Variants in KLHL36 observed in about 807,000 individuals in gnomAD.
KLHL36 encodes the protein kelch like family member 36.
Under a neutral mutation model 53.3 loss-of-function variants are expected in KLHL36, and 35 were observed. That is an observed-to-expected ratio of 0.66 (90% CI 0.50 to 0.87). The LOEUF is 0.87. Among genes scored for constraint, KLHL36 ranks in the 40% least tolerant of loss-of-function variants. The pLI, the probability that KLHL36 is intolerant of heterozygous loss-of-function variation, is 0.00. For missense variants in KLHL36, 864 were observed against 897.6 expected (o/e 0.96, Z 0.48); for synonymous variants, 472 against 398.9 (o/e 1.18, Z -2.18).
rs1334971397 is a variant in KLHL36, at chr16:84,664,350, T to C, written c.*2217T>C. 1.3e-5 allele frequency: 2 copies of C among 152,058 alleles called. No individual in the cohort carries two copies. The highest frequency in any genetic ancestry group is 2.9e-5 in the Non-Finnish European group (2 of 68,008). The allele number at this position is 152,058 out of a possible 1,614,324, so 9.4% of individuals were successfully genotyped here. ...CACATAGAAAGACTCTGTGAGTGAT[T>C]TGGGGAGTGGGATAGCTTTGACCTT... is the stretch of plus-strand genomic sequence containing the variant. On this transcript the variant is annotated 3_prime_UTR_variant, in exon 5 of 5. Coordinates refer to ENST00000564996, the MANE Select transcript of KLHL36 (RefSeq NM_024731.4).
At chr16:84,652,250 T>G (rs1173904279) in intron 2 of KLHL36, among the ~76,000 whole-genome samples, 1 of 152,176 alleles carries the variant, frequency 6.6e-6, no homozygotes. Context: ...ACTAGGCTTC[T>G]GTATCACTGG....
Position 84,657,711 on chromosome 16 carries a change from G to A in KLHL36, c.904G>A (p.Gly302Ser), listed in dbSNP as rs754355594. The change falls in exon 3 of 5, where the codon GGC becomes AGC. Residue 302 changes from glycine (G) to serine (S), a missense_variant. By Grantham distance (56) the Gly-to-Ser change is moderately conservative (BLOSUM62 0). Transcript: ENST00000564996. ...TNQERLLFVG[G>S]EVSERCLELS... ...CCAGGAGCGCCTGCTGTTTGTGGGC[G>A]GCGAGGTCTCCGAGCGGTGTCTGGA... 3 of 1,612,514 alleles carry A rather than the reference G, an allele frequency of 1.9e-6. No homozygotes were observed. The highest frequency in any genetic ancestry group is 2.2e-5 in the East Asian group (1 of 44,876).
At position 84,662,030 on chromosome 16, in the gene KLHL36, A is replaced by G. The variant is rs139770361; in HGVS notation, c.1748A>G (p.Lys583Arg). The G allele has an allele frequency of 1.9e-6, 3 of 1,587,714 alleles. No individual in the cohort carries two copies. The highest frequency in any genetic ancestry group is 2.6e-6 in the Non-Finnish European group (3 of 1,168,562). Reference protein sequence around the residue: ...DKWSRGVDLPKAIAGGSACVC... With the variant: ...DKWSRGVDLPRAIAGGSACVC... ...TGGAGCAGGGGCGTCGACCTGCCCA[A>G]GGCCATCGCTGGCGGGTCCGCCTGT... The change falls in exon 5 of 5, where the codon AAG becomes AGG. Residue 583 changes from lysine (K) to arginine (R), a missense_variant. Lys to Arg is a conservative substitution (Grantham distance 26, BLOSUM62 2). Coordinates refer to ENST00000564996, the MANE Select transcript of KLHL36 (RefSeq NM_024731.4).
intron 2 of KLHL36, among the ~76,000 whole-genome samples, chr16:84,652,046 C>G (rs1406408290): frequency 6.6e-6 from 1 of 152,148 alleles, no homozygotes; most frequent in Non-Finnish European, 1.5e-5. Flanking sequence ...GTGAGTTCCC[C>G]AAGAAGGTTC....
intron 2 of KLHL36, among the ~76,000 whole-genome samples, chr16:84,654,881 AT>A (rs1334639188): frequency 6.6e-6 from 1 of 152,190 alleles, no homozygotes; most frequent in African/African-American, 2.4e-5. Flanking sequence ...AAGTACTGGG[AT>A]TCCAGGCATG....
chr16:84,655,645 A>G (rs1907156014), intron 2 of KLHL36, among the ~76,000 whole-genome samples: 2 of 150,032 alleles, frequency 1.3e-5, no homozygotes, highest in Non-Finnish European at 3.0e-5. Context: ...TCAAGGGTGC[A>G]GTGAGCCGAG....
Position 84,657,081 on chromosome 16 carries a change from G to C in KLHL36, c.274G>C (p.Ala92Pro). 1 of 1,614,154 alleles carries C rather than the reference G, an allele frequency of 6.2e-7. No individual in the cohort carries two copies. Among genetic ancestry groups the C allele is most frequent in the Non-Finnish European group, 8.5e-7 (1 of 1,180,020 alleles). Residue 92 changes from alanine (A) to proline (P), a missense_variant, in exon 3 of 5, where the codon GCC becomes CCC. Transcript: ENST00000564996. ...AFQKEVELIG[A>P]SYIGLKAVVD... is the part of the protein sequence containing the mutation. Reference sequence around the variant, plus strand: ...CCAGAAGGAGGTGGAGCTGATCGGCGCCTCCTACATTGGGCTCAAGGCCGT... The same window carrying C: ...CCAGAAGGAGGTGGAGCTGATCGGCCCCTCCTACATTGGGCTCAAGGCCGT...
intron 3 of KLHL36, chr16:84,658,988 A>T (rs545503579): frequency 2.0e-5 from 3 of 150,116 alleles, no homozygotes; most frequent in Admixed American, 6.7e-5. Context: ...GAAAAAAAAA[A>T]GTTGGCTCTT....
At position 84,661,833 on chromosome 16, in the gene KLHL36, G is replaced by A. The variant is rs538563101; in HGVS notation, c.1551G>A (p.Glu517=). 1.2e-6 allele frequency: 2 copies of A among 1,607,250 alleles called. No individual in the cohort carries two copies. Among genetic ancestry groups the A allele is most frequent in the African/African-American group, 2.7e-5 (2 of 74,918 alleles). ...AGCGCTTCGACGTGCTGGGCGTGGA[G>A]GCCTACAGCCCGCAGTGCAACCAGT... The part of the protein sequence containing the change: ...SMERFDVLGV[E]AYSPQCNQWT... Residue 517 remains glutamate, a synonymous_variant, in exon 5 of 5, where the codon GAG becomes GAA. Coordinates refer to ENST00000564996, the MANE Select transcript of KLHL36 (RefSeq NM_024731.4). This position sits in a 1 kb window ranked among gnomAD's most constrained non-coding sequence, Gnocchi z 7.9.
In KLHL36 at chr16:84,662,434, T is replaced by G; in HGVS notation, c.*301T>G. The stretch of plus-strand genomic sequence containing the variant: ...TGCTGACTGTCCCCCTGAGAGTAGC[T>G]GGCACGTGGGTAACACAGAAATTTC... On this transcript the variant is annotated 3_prime_UTR_variant, in exon 5 of 5. Transcript: ENST00000564996. 4.0e-6 allele frequency: 1 copy of G among 252,262 alleles called. No homozygotes were observed. The highest frequency in any genetic ancestry group is 7.6e-6 in the Non-Finnish European group (1 of 130,952). 15.6% of individuals were successfully genotyped at this position (252,262 alleles called of 1,614,324 possible). A position where few individuals can be genotyped will look rare whatever the true frequency, so the allele number is the denominator to read the frequency against.
Position 84,661,541 on chromosome 16 carries a change from T to C in KLHL36, c.1296-37T>C, listed in dbSNP as rs763212493. ...GGAGGGGGTAAGCCTGGCACAGCCC[T>C]GAGCTCTCCCTCTGTCTCTGCCCGT... is the stretch of plus-strand genomic sequence containing the variant. On this transcript the variant is annotated intron_variant, in intron 4 of 4. Coordinates refer to ENST00000564996, the MANE Select transcript of KLHL36 (RefSeq NM_024731.4). The surrounding 1 kb of genome is among the most constrained non-coding windows in gnomAD (Gnocchi z 7.9). 2.6e-6 allele frequency: 4 copies of C among 1,543,790 alleles called. No homozygotes were observed. The African/African-American group carries it at 4.1e-5, about 16-fold the overall frequency.
In KLHL36 at chr16:84,665,488, C is replaced by T. The variant is rs904026566; in HGVS notation, c.*3355C>T. On this transcript the variant is annotated 3_prime_UTR_variant, in exon 5 of 5. Transcript: ENST00000564996. ...AGCAAACTTCCTGCTGTTTTAAATG[C>T]ACAGAGATTATTTTATCAACTGTGG... 1.4e-4 allele frequency: 21 copies of T among 152,194 alleles called. No individual in the cohort carries two copies. Among genetic ancestry groups the T allele is most frequent in the African/African-American group, 5.1e-4 (21 of 41,446 alleles). 9.4% of individuals were successfully genotyped at this position (152,194 alleles called of 1,614,324 possible). A position where few individuals can be genotyped will look rare whatever the true frequency, so the allele number is the denominator to read the frequency against.
In KLHL36 at chr16:84,648,687, C is replaced by A. The variant is rs1181908255; in HGVS notation, c.-17+38C>A. 1.4e-5 allele frequency: 2 copies of A among 147,986 alleles called. No homozygotes were observed. The highest frequency in any genetic ancestry group is 3.0e-5 in the Non-Finnish European group (2 of 66,192). The allele number at this position is 147,986 out of a possible 1,614,324, so 9.2% of individuals were successfully genotyped here. ...GCGCGCCCACCCTCCAGCCCGGGAC[C>A]GCCAGGAAGCCGCGCCCGGCCGGGG... is the stretch of plus-strand genomic sequence containing the variant. On this transcript the variant is annotated intron_variant, in intron 1 of 4. Transcript: ENST00000564996. This position sits in a 1 kb window ranked among gnomAD's most constrained non-coding sequence, Gnocchi z 4.9.
intron 3 of KLHL36, chr16:84,659,067 T>A (rs1907391095): frequency 6.6e-6 from 1 of 152,212 alleles, no homozygotes; most frequent in Admixed American, 6.6e-5. Flanking sequence ...AGTGGCACGA[T>A]CTCGGCTAAT....
chr16:84,649,981 CACACA>C (rs1906749354), intron 1 of KLHL36, among the ~76,000 whole-genome samples: 42 of 145,018 alleles, frequency 2.9e-4, no homozygotes, highest in African/African-American at 4.3e-4. Context: ...CCCCGCCCCC[CACACA>C]CCAAAGCTTA....
intron 2 of KLHL36, among the ~76,000 whole-genome samples, chr16:84,652,803 T>C (rs1462465981): frequency 1.3e-5 from 2 of 152,192 alleles, no homozygotes; most frequent in Non-Finnish European, 2.9e-5. Flanking sequence ...TTGTGCAACA[T>C]TGTGCCTCTG....
intron 1 of KLHL36, among the ~76,000 whole-genome samples, chr16:84,650,350 T>C (rs1906784167): frequency 6.6e-6 from 1 of 152,132 alleles, no homozygotes; most frequent in Non-Finnish European, 1.5e-5. Context: ...TGGTGATGGA[T>C]CCAGGTTTTG....
At chr16:84,654,400 C>T (rs950049374) in intron 2 of KLHL36, among the ~76,000 whole-genome samples, 1 of 152,150 alleles carries the variant, frequency 6.6e-6, no homozygotes, top group African/African-American at 2.4e-5. Flanking sequence ...GTAATCCCAG[C>T]ACATTGGGAG....
At chr16:84,659,471 C>G (rs982793253) in intron 3 of KLHL36, 1 of 363,100 alleles carries the variant, frequency 2.8e-6, no homozygotes. Flanking sequence ...TTCCCATCCA[C>G]GCGGCTAACG....
Sources: gnomAD v4.1 joint callset for allele counts (sites outside exome capture counted in the v4.1 genomes callset) on GRCh38, gnomAD v4.1.1 for gene constraint, Gnocchi (gnomAD v3.1) non-coding constraint, MANE v1.5 for transcripts, NCBI Gene and HGNC (gene_info 2026-07-23, HGNC 2026-07-21) for gene names.